Variants in LGSN observed in about 807,000 individuals in gnomAD.
LGSN encodes the protein lengsin, lens protein with glutamine synthetase domain, also known as lengsin.
Under a neutral mutation model 19.5 loss-of-function variants are expected in LGSN, and 21 were observed. The observed-to-expected ratio is 1.07, with a 90% CI of 0.76 to 1.55. The LOEUF is 1.55. LGSN is among the 40% of genes most tolerant of loss of function. The probability of loss-of-function intolerance (pLI) is 0.00; values close to 1 mark genes in which losing one functional copy is unlikely to be tolerated. For synonymous variants in LGSN, 257 were observed against 215.6 expected, an observed-to-expected ratio of 1.19 and a Z score of -1.68; for missense variants, 673 against 608.5, an observed-to-expected ratio of 1.11 and a Z score of -1.12.
chr6:63,505,597 G>GAAAGAAATAAATAAATAAATAAATAAAT, the LGSN span, among the ~76,000 whole-genome samples: 1 of 117,108 alleles, frequency 8.5e-6, no homozygotes, highest in Non-Finnish European at 1.7e-5. Context: ...AAGAAAGAAA[G>GAAAGAAATAAATAAATAAATAAATAAAT]AAAGAAAGAA....
the LGSN span, among the ~76,000 whole-genome samples, chr6:63,393,588 C>G: frequency 6.6e-6 from 1 of 152,174 alleles, no homozygotes; most frequent in African/African-American, 2.4e-5. Context: ...ACCACAAGCA[C>G]TATGAAAACA....
At chr6:63,531,215 T>C in the LGSN span, among the ~76,000 whole-genome samples, 2 of 152,268 alleles carry the variant, frequency 1.3e-5, no homozygotes, top group East Asian at 1.9e-4. Flanking sequence ...TCACAGCCAA[T>C]GGGCAGAGAC....
At chr6:63,513,737 C>A in the LGSN span, among the ~76,000 whole-genome samples, 13 of 151,620 alleles carry the variant, frequency 8.6e-5, no homozygotes, top group Admixed American at 4.6e-4. Context: ...ATGGTGAAAC[C>A]CCGTCTCTAC....
At chr6:63,412,830 AAGG>A in the LGSN span, among the ~76,000 whole-genome samples, 2 of 144,000 alleles carry the variant, frequency 1.4e-5, no homozygotes, top group African/African-American at 5.6e-5. Flanking sequence ...AAGGAAAGGA[AAGG>A]AAGGAAGAAA....
chr6:63,555,517 C>T, the LGSN span, among the ~76,000 whole-genome samples: 4 of 152,020 alleles, frequency 2.6e-5, no homozygotes, highest in Non-Finnish European at 5.9e-5. Flanking sequence ...AGTGTAGCTG[C>T]TGCTGCAATC....
At chr6:63,387,985 C>A in the LGSN span, among the ~76,000 whole-genome samples, 1 of 152,090 alleles carries the variant, frequency 6.6e-6, no homozygotes, top group Non-Finnish European at 1.5e-5. Flanking sequence ...CCTTCCTCAG[C>A]CTCCCGAATA....
chr6:63,400,471 G>A, the LGSN span, among the ~76,000 whole-genome samples: 5 of 152,168 alleles, frequency 3.3e-5, no homozygotes, highest in African/African-American at 1.2e-4. Flanking sequence ...AACAGTAGAC[G>A]TCCTCCTGGC....
the LGSN span, among the ~76,000 whole-genome samples, chr6:63,516,233 T>C: frequency 6.6e-6 from 1 of 152,308 alleles, no homozygotes; most frequent in East Asian, 1.9e-4. Context: ...TCACTAAATT[T>C]TTTGAATCCA....
chr6:63,398,186 TTAGAG>T, the LGSN span, among the ~76,000 whole-genome samples: 1 of 148,562 alleles, frequency 6.7e-6, no homozygotes, highest in Admixed American at 6.7e-5. Context: ...TTTAATTATT[TTAGAG>T]TATACTCCTA....
At chr6:63,412,398 GGAAAGAAA>G in the LGSN span, among the ~76,000 whole-genome samples, 3 of 90,364 alleles carry the variant, frequency 3.3e-5, no homozygotes, top group Non-Finnish European at 6.3e-5. Context: ...GATGAAAGAA[GGAAAGAAA>G]GAAAGAAAGA....
the LGSN span, among the ~76,000 whole-genome samples, chr6:63,383,940 G>T: frequency 3.9e-5 from 6 of 152,124 alleles, no homozygotes; most frequent in South Asian, 6.2e-4. Flanking sequence ...CATTAATATT[G>T]TCTCCCACAT....
At chr6:63,530,484 G>A in the LGSN span, among the ~76,000 whole-genome samples, 1 of 152,122 alleles carries the variant, frequency 6.6e-6, no homozygotes, top group Non-Finnish European at 1.5e-5. Flanking sequence ...AGATGTAAAT[G>A]GCTGCCTCAT....
chr6:63,504,367 G>A, the LGSN span, among the ~76,000 whole-genome samples: 9 of 151,882 alleles, frequency 5.9e-5, no homozygotes, highest in Admixed American at 1.3e-4. Context: ...TCAGCCTCCC[G>A]AGTAACTGAG....
chr6:63,409,465 A>C, the LGSN span, among the ~76,000 whole-genome samples: 37 of 152,322 alleles, frequency 2.4e-4, no homozygotes, highest in African/African-American at 8.7e-4. Flanking sequence ...CAATTGTTAC[A>C]AACAACCAAT....
chr6:63,344,889 A>G, the LGSN span, among the ~76,000 whole-genome samples: 1 of 152,194 alleles, frequency 6.6e-6, no homozygotes, highest in African/African-American at 2.4e-5. Context: ...AATACTGTAA[A>G]CTTACAATGT....
the LGSN span, among the ~76,000 whole-genome samples, chr6:63,568,668 A>C: frequency 6.6e-6 from 1 of 152,208 alleles, no homozygotes; most frequent in African/African-American, 2.4e-5. Flanking sequence ...TAAAAAAAAA[A>C]AACAATATTT....
At chr6:63,378,887 G>T in the LGSN span, among the ~76,000 whole-genome samples, 4 of 152,154 alleles carry the variant, frequency 2.6e-5, no homozygotes, top group Non-Finnish European at 5.9e-5. Flanking sequence ...CAATTACTTT[G>T]TAAGTCATGT....
the LGSN span, among the ~76,000 whole-genome samples, chr6:63,359,255 T>C: frequency 6.6e-6 from 1 of 152,224 alleles, no homozygotes; most frequent in African/African-American, 2.4e-5. Context: ...TTGAGAATTT[T>C]TGCACCGATG....
At chr6:63,359,390 A>G in the LGSN span, among the ~76,000 whole-genome samples, 1 of 152,206 alleles carries the variant, frequency 6.6e-6, no homozygotes, top group Non-Finnish European at 1.5e-5. Flanking sequence ...ATTGATTGGA[A>G]AAGTTTCAGA....
Sources: allele counts gnomAD v4.1 joint callset (sites outside exome capture counted in the v4.1 genomes callset), GRCh38; gene constraint gnomAD v4.1.1; transcripts MANE v1.5; gene names NCBI Gene and HGNC (gene_info 2026-07-23, HGNC 2026-07-21).